TSPAN5: variants seen among roughly 807,000 people sequenced by gnomAD.
TSPAN5 encodes the protein tetraspanin 5, also known as tetraspanin-5.
Under a neutral mutation model 37.1 loss-of-function variants are expected in TSPAN5, and 10 were observed. The ratio of observed to expected loss-of-function variants is 0.27; its 90% CI spans 0.17 to 0.46. The LOEUF is 0.46. TSPAN5 is among the 20% of genes least tolerant of loss of function. The pLI, the probability that TSPAN5 is intolerant of heterozygous loss-of-function variation, is 1.00. For synonymous variants in TSPAN5, 110 were observed against 118.9 expected, an observed-to-expected ratio of 0.93 and a Z score of 0.48; for missense variants, 195 against 326.6, an observed-to-expected ratio of 0.60 and a Z score of 3.11.
chr4:98,610,692 G>A (rs529019345), intron 1 of TSPAN5, among the ~76,000 whole-genome samples: 1 of 152,228 alleles, frequency 6.6e-6, no homozygotes, highest in South Asian at 2.1e-4. Context: ...ATTCATTTAG[G>A]GCTACAGTAG....
chr4:98,556,338 T>C (rs779945615), intron 1 of TSPAN5, among the ~76,000 whole-genome samples: 1 of 152,168 alleles, frequency 6.6e-6, no homozygotes, highest in Non-Finnish European at 1.5e-5. Context: ...TCAAACTTGC[T>C]CTGATGATAA....
intron 2 of TSPAN5, among the ~76,000 whole-genome samples, chr4:98,506,786 C>T (rs555388431): frequency 3.2e-4 from 49 of 152,056 alleles, no homozygotes; most frequent in African/African-American, 1.0e-3. Flanking sequence ...CTTGTCCTTA[C>T]GTGGGAGATA....
intron 1 of TSPAN5, among the ~76,000 whole-genome samples, chr4:98,569,430 C>G (rs1165460756): frequency 6.6e-6 from 1 of 152,176 alleles, no homozygotes; most frequent in African/African-American, 2.4e-5. Context: ...TGCAGAACTC[C>G]TTGGGAAAAC....
At chr4:98,479,338 T>A (rs1354690964) in intron 4 of TSPAN5, among the ~76,000 whole-genome samples, 1 of 152,184 alleles carries the variant, frequency 6.6e-6, no homozygotes, top group East Asian at 1.9e-4. Context: ...GAATAAAAGA[T>A]GAAATGCTCC....
chr4:98,559,554 T>G lies in TSPAN5; in HGVS notation c.82-51826A>C, dbSNP rs539170515. Among the ~76,000 whole-genome samples, 32 of 152,312 alleles carry G rather than the reference T, an allele frequency of 2.1e-4. No homozygotes were observed. In the South Asian group the frequency reaches 2.9e-3, roughly 14 times the overall value. ...TTCTTGAACACTATTTTAAGGCAACTTTTTTATTATCATTAGTTACTGATT... is the reference window on the plus strand; with the variant it reads ...TTCTTGAACACTATTTTAAGGCAACGTTTTTATTATCATTAGTTACTGATT... On this transcript the variant is annotated intron_variant, in intron 1 of 7. Transcript: ENST00000305798.
intron 1 of TSPAN5, among the ~76,000 whole-genome samples, chr4:98,545,697 T>C (rs571609756): frequency 2.6e-4 from 40 of 152,202 alleles, no homozygotes; most frequent in African/African-American, 8.9e-4. Flanking sequence ...ACCTGGCTAA[T>C]TTCTTTGTAT....
At chr4:98,655,774 T>A (rs1757282904) in intron 1 of TSPAN5, among the ~76,000 whole-genome samples, 1 of 152,182 alleles carries the variant, frequency 6.6e-6, no homozygotes, top group African/African-American at 2.4e-5. Context: ...GTCACTAACA[T>A]CTTAGTCTGA....
chr4:98,554,072 A>T lies in TSPAN5; in HGVS notation c.82-46344T>A, dbSNP rs184533887. Among the ~76,000 whole-genome samples the T allele has an allele frequency of 1.6e-3, 249 of 151,944 alleles. 2 individuals carry two copies. Among genetic ancestry groups the T allele is most frequent in the South Asian group, 4.6e-3 (22 of 4,810 alleles). ...ACAGAGCGAGACTCTATCTAAAAAAAAAATAAATTAAAAAAAAAATGTAAA... is the reference window on the plus strand; with the variant it reads ...ACAGAGCGAGACTCTATCTAAAAAATAAATAAATTAAAAAAAAAATGTAAA... On this transcript the variant is annotated intron_variant, in intron 1 of 7. Coordinates refer to ENST00000305798, the MANE Select transcript of TSPAN5 (RefSeq NM_005723.4).
chr4:98,536,697 C>A (rs1754241179), intron 1 of TSPAN5, among the ~76,000 whole-genome samples: 1 of 152,226 alleles, frequency 6.6e-6, no homozygotes, highest in Non-Finnish European at 1.5e-5. Flanking sequence ...ATCCTCTGCC[C>A]AGAGAAAAGA....
At chr4:98,492,660 T>C (rs561587087) in intron 2 of TSPAN5, among the ~76,000 whole-genome samples, 31 of 152,324 alleles carry the variant, frequency 2.0e-4, no homozygotes, top group African/African-American at 7.5e-4. Flanking sequence ...TTTTAAATGG[T>C]CATTTTCCCC....
intron 1 of TSPAN5, among the ~76,000 whole-genome samples, chr4:98,624,115 G>A (rs1285727432): frequency 6.6e-6 from 1 of 152,034 alleles, no homozygotes; most frequent in Non-Finnish European, 1.5e-5. Flanking sequence ...CACATTTGCT[G>A]GTATTCAGGC....
intron 2 of TSPAN5, among the ~76,000 whole-genome samples, chr4:98,496,195 A>G (rs1225706955): frequency 6.6e-6 from 1 of 152,222 alleles, no homozygotes; most frequent in Non-Finnish European, 1.5e-5. Context: ...CAGTATGCAC[A>G]GTAAGAACAA....
At chr4:98,622,194 C>T (rs6848644) in intron 1 of TSPAN5, among the ~76,000 whole-genome samples, 58,148 of 152,044 alleles carry the variant, frequency 0.38, 11,334 homozygotes, top group Admixed American at 0.43. Flanking sequence ...ATTCTCGTGC[C>T]TCAGCCTCAC....
At chr4:98,633,352 G>A (rs9991053) in intron 1 of TSPAN5, among the ~76,000 whole-genome samples, 2 of 151,990 alleles carry the variant, frequency 1.3e-5, no homozygotes, top group Non-Finnish European at 2.9e-5. Context: ...TTAAACAAGA[G>A]AGACTCACCT....
intron 1 of TSPAN5, among the ~76,000 whole-genome samples, chr4:98,539,478 G>A (rs1754313073): frequency 6.6e-6 from 1 of 152,056 alleles, no homozygotes; most frequent in Non-Finnish European, 1.5e-5. Flanking sequence ...TGACATGGCA[G>A]ACTTGGAATA....
chr4:98,641,756 T>A (rs1234197068), intron 1 of TSPAN5, among the ~76,000 whole-genome samples: 1 of 152,100 alleles, frequency 6.6e-6, no homozygotes, highest in Non-Finnish European at 1.5e-5. Flanking sequence ...ACTCCACCCA[T>A]GGGTAAAATC....
chr4:98,474,457 C>T (rs907808013), intron 7 of TSPAN5, among the ~76,000 whole-genome samples: 1 of 151,782 alleles, frequency 6.6e-6, no homozygotes, highest in Non-Finnish European at 1.5e-5. Context: ...AAGTGATCCT[C>T]CCTCCTCAGC....
At chr4:98,621,508 C>T (rs1756480959) in intron 1 of TSPAN5, among the ~76,000 whole-genome samples, 1 of 151,786 alleles carries the variant, frequency 6.6e-6, no homozygotes, top group South Asian at 2.1e-4. Context: ...GCTGGGACTA[C>T]AGGCAACCGC....
intron 2 of TSPAN5, 119 bp from the exon 3 acceptor site, chr4:98,487,003 T>G (rs952137782): frequency 8.7e-6 from 8 of 917,086 alleles, no homozygotes; most frequent in Non-Finnish European, 1.3e-5. Flanking sequence ...GGGCATCTGA[T>G]TATCAGGTAT....
Sources: allele counts gnomAD v4.1 joint callset (sites outside exome capture counted in the v4.1 genomes callset), GRCh38; gene constraint gnomAD v4.1.1; transcripts MANE v1.5; gene names NCBI Gene and HGNC (gene_info 2026-07-23, HGNC 2026-07-21).